Variants in MAD2L1BP observed in about 807,000 individuals in gnomAD.
MAD2L1BP encodes MAD2L1 binding protein.
A neutral mutation model predicts 28.4 loss-of-function variants in MAD2L1BP; 22 were observed. The observed-to-expected ratio is 0.77, with a 90% confidence interval of 0.55 to 1.10. MAD2L1BP has a LOEUF of 1.10. Ranked by LOEUF, MAD2L1BP falls within the 50% of genes least tolerant of loss-of-function variation. The pLI is 0.00. For missense variants in MAD2L1BP, 325 were observed against 350.5 expected (o/e 0.93, Z 0.58); for synonymous variants, 146 against 133.7 (o/e 1.09, Z -0.63).
In MAD2L1BP at chr6:43,636,407, G is replaced by T. The variant is rs961384610; in HGVS notation, c.73G>T (p.Glu25Ter). The T allele has an allele frequency of 5.0e-6, 8 of 1,614,042 alleles. No individual in the cohort carries two copies. The highest frequency in any genetic ancestry group is 6.8e-6 in the Non-Finnish European group (8 of 1,180,044). The stretch of plus-strand genomic sequence containing the variant: ...TTTGGAGTGGTATGAGAAGTCCGAA[G>T]AAACTCACGCCTCCCAGATAGAACT... ...PDLEWYEKSE[E>*]THASQIELLE... The change falls in exon 2 of 3, where the codon GAA becomes TAA. Residue 25 changes from glutamate to a stop codon, truncating the protein, a stop_gained. Coordinates refer to ENST00000372171, the MANE Select transcript of MAD2L1BP (RefSeq NM_014628.3). LOFTEE classifies it high-confidence loss of function.
upstream of MAD2L1BP, among the ~76,000 whole-genome samples, chr6:43,634,297 G>A (rs1274414713): frequency 7.3e-6 from 1 of 137,444 alleles, no homozygotes; most frequent in Non-Finnish European, 1.5e-5. Flanking sequence ...ATAGCTCACT[G>A]TAAGTGTCGA....
In MAD2L1BP at chr6:43,640,274, G is replaced by A. The variant is rs780198206; in HGVS notation, c.566G>A (p.Arg189His). ...CTGAGCACAGCAGCTTGTTTGCGCC[G>A]TCTCTTCCGAGCCATATTCATGGCT... Reference protein sequence around the residue: ...QSLSTAACLRRLFRAIFMADA... With the variant: ...QSLSTAACLRHLFRAIFMADA... Residue 189 changes from arginine to histidine, a missense_variant, in exon 3 of 3, where the codon CGT becomes CAT. Coordinates refer to ENST00000372171, the MANE Select transcript of MAD2L1BP (RefSeq NM_014628.3). 14 of 1,613,166 alleles carry A rather than the reference G, an allele frequency of 8.7e-6. No individual in the cohort carries two copies. The highest frequency in any genetic ancestry group is 6.7e-5 in the East Asian group (3 of 44,860).
At chr6:43,634,602 C>A (rs1474843187), upstream of MAD2L1BP, among the ~76,000 whole-genome samples, 2 of 152,026 alleles carry the variant, frequency 1.3e-5, no homozygotes, top group African/African-American at 4.8e-5. Context: ...ACTCTGTCAC[C>A]TAGGCTGGAG....
chr6:43,638,087 A>G (rs1197520274), intron 2 of MAD2L1BP, among the ~76,000 whole-genome samples: 4 of 148,870 alleles, frequency 2.7e-5, no homozygotes, highest in Admixed American at 1.3e-4. Flanking sequence ...TAGTAGAGAC[A>G]GGGTATCGCA....
chr6:43,631,976 G>A (rs1198196693), upstream of MAD2L1BP, among the ~76,000 whole-genome samples: 5 of 150,688 alleles, frequency 3.3e-5, no homozygotes, highest in Non-Finnish European at 5.9e-5. Context: ...CTTGGCTCAC[G>A]GCAACCTCCT....
rs199873709 is a variant in MAD2L1BP, at chr6:43,640,298, C to T, written c.590C>T (p.Ala197Val). The change falls in exon 3 of 3, where the codon GCT becomes GTT. Residue 197 changes from alanine (A) to valine (V), a missense_variant. Transcript: ENST00000372171. ...LRRLFRAIFM[A>V]DAFSELQAPP... ...CGTCTCTTCCGAGCCATATTCATGG[C>T]TGATGCCTTTAGCGAGCTTCAGGCT... 5.0e-4 allele frequency: 805 copies of T among 1,613,518 alleles called. 3 individuals carry two copies. Among genetic ancestry groups the T allele is most frequent in the Non-Finnish European group, 3.4e-4 (405 of 1,179,746 alleles).
chr6:43,631,365 G>A (rs1769920867), upstream of MAD2L1BP, among the ~76,000 whole-genome samples: 1 of 152,212 alleles, frequency 6.6e-6, no homozygotes. Flanking sequence ...GAATTGGAAG[G>A]AAGAGATAAG....
At position 43,640,558 on chromosome 6, in the gene MAD2L1BP, C is replaced by T. The variant is rs768251807; in HGVS notation, c.*25C>T. 2 of 1,533,136 alleles carry T rather than the reference C, an allele frequency of 1.3e-6. No individual in the cohort carries two copies. Among genetic ancestry groups the T allele is most frequent in the South Asian group, 2.5e-5 (2 of 78,610 alleles). 95.0% of individuals were successfully genotyped at this position (1,533,136 alleles called of 1,614,324 possible). On this transcript the variant is annotated 3_prime_UTR_variant, in exon 3 of 3. Coordinates refer to ENST00000372171, the MANE Select transcript of MAD2L1BP (RefSeq NM_014628.3). ...AATGAGTGCTTCTTAATCCTAAAAA[C>T]ACAATGGCTGAATTATCTTTCTCCA...
chr6:43,639,947 A>G, intron 2 of MAD2L1BP, 74 bp from the exon 3 acceptor site: 4 of 1,383,156 alleles, frequency 2.9e-6, no homozygotes, highest in Non-Finnish European at 3.9e-6. Flanking sequence ...TACACATCCC[A>G]GCAGGGTTCT....
In MAD2L1BP at chr6:43,640,373, G is replaced by A. The variant is rs1234157012; in HGVS notation, c.665G>A (p.Gly222Glu). The part of the protein sequence containing the change: ...VVMAQGHRNC[G>E]EDWFRPKLNY... ...ATGGCACAGGGACACCGCAACTGTGGAGAAGATTGGTTTCGACCCAAGCTC... is the reference window on the plus strand; with the variant it reads ...ATGGCACAGGGACACCGCAACTGTGAAGAAGATTGGTTTCGACCCAAGCTC... Residue 222 changes from glycine to glutamate, a missense_variant, in exon 3 of 3, where the codon GGA becomes GAA. By Grantham distance (98) the Gly-to-Glu change is moderately conservative. Transcript: ENST00000372171. The A allele has an allele frequency of 8.1e-6, 13 of 1,613,882 alleles. No homozygotes were observed. The highest frequency in any genetic ancestry group is 2.5e-6 in the Non-Finnish European group (3 of 1,180,022).
upstream of MAD2L1BP, among the ~76,000 whole-genome samples, chr6:43,631,638 C>A (rs1172150101): frequency 6.6e-6 from 1 of 152,136 alleles, no homozygotes; most frequent in Non-Finnish European, 1.5e-5. Context: ...GTGCGAGCCA[C>A]CATGCCCAGC....
At chr6:43,633,060 C>A (rs1323938491), upstream of MAD2L1BP, 1 of 344,872 alleles carries the variant, frequency 2.9e-6, no homozygotes, top group Non-Finnish European at 5.6e-6. Flanking sequence ...AACTTCTGGA[C>A]TCAAGCAATC....
chr6:43,636,568 G>A lies in MAD2L1BP; in HGVS notation c.234G>A (p.Lys78=). Residue 78 remains lysine (K), a synonymous_variant, in exon 2 of 3, where the codon AAG becomes AAA. Coordinates refer to ENST00000372171, the MANE Select transcript of MAD2L1BP (RefSeq NM_014628.3). ...GTCAGTTTACTTGTGAACTTCTAAA[G>A]CATATCATGTATCAACGCCAGCAGC... is the stretch of plus-strand genomic sequence containing the variant. ...GCCQFTCELL[K]HIMYQRQQLP... is the part of the protein sequence containing the mutation. The A allele has an allele frequency of 6.2e-7, 1 of 1,614,170 alleles. No individual in the cohort carries two copies. The highest frequency in any genetic ancestry group is 8.5e-7 in the Non-Finnish European group (1 of 1,180,022).
chr6:43,631,043 GT>G (rs1769899640), upstream of MAD2L1BP, among the ~76,000 whole-genome samples: 1 of 152,128 alleles, frequency 6.6e-6, no homozygotes, highest in African/African-American at 2.4e-5. Flanking sequence ...TTCAGACTTG[GT>G]AGAGTCCATG....
chr6:43,635,209 A>G (rs1414981467), upstream of MAD2L1BP, among the ~76,000 whole-genome samples: 1 of 152,204 alleles, frequency 6.6e-6, no homozygotes, highest in African/African-American at 2.4e-5. Flanking sequence ...CGGTCCTGCC[A>G]TGATCTGGCT....
Position 43,640,546 on chromosome 6 carries a change from T to C in MAD2L1BP, c.*13T>C, listed in dbSNP as rs1199516620. ...CTTCCGCGAGTGAATGAGTGCTTCTTAATCCTAAAAACACAATGGCTGAAT... is the reference window on the plus strand; with the variant it reads ...CTTCCGCGAGTGAATGAGTGCTTCTCAATCCTAAAAACACAATGGCTGAAT... On this transcript the variant is annotated 3_prime_UTR_variant, in exon 3 of 3. Transcript: ENST00000372171. 2.6e-6 allele frequency: 4 copies of C among 1,550,922 alleles called. No homozygotes were observed. Among genetic ancestry groups the C allele is most frequent in the Non-Finnish European group, 3.5e-6 (4 of 1,148,114 alleles).
chr6:43,636,040 T>TAGGACACCCGGAA, intron 1 of MAD2L1BP, 119 bp downstream of exon 1: 1 of 1,041,150 alleles, frequency 9.6e-7, no homozygotes, highest in Non-Finnish European at 1.4e-6. Flanking sequence ...GTCTTCCGGG[T>TAGGACACCCGGAA]GTCCTACACG....
intron 2 of MAD2L1BP, 105 bp downstream of exon 2, chr6:43,636,751 A>G (rs1410854606): frequency 4.5e-6 from 6 of 1,345,320 alleles, no homozygotes; most frequent in Non-Finnish European, 5.1e-6. Context: ...TGAGAGAATA[A>G]GCAGCTTCCA....
Position 43,636,415 on chromosome 6 carries a change from C to T in MAD2L1BP, c.81C>T (p.His27=), listed in dbSNP as rs532957750. ...GGTATGAGAAGTCCGAAGAAACTCACGCCTCCCAGATAGAACTACTTGAGA... is the reference window on the plus strand; with the variant it reads ...GGTATGAGAAGTCCGAAGAAACTCATGCCTCCCAGATAGAACTACTTGAGA... ...LEWYEKSEET[H]ASQIELLETS... Residue 27 remains histidine, a synonymous_variant, in exon 2 of 3, where the codon CAC becomes CAT. Coordinates refer to ENST00000372171, the MANE Select transcript of MAD2L1BP (RefSeq NM_014628.3). 1.3e-5 allele frequency: 21 copies of T among 1,614,014 alleles called. No homozygotes were observed. The highest frequency in any genetic ancestry group is 2.7e-5 in the African/African-American group (2 of 74,898).
Sources: allele counts gnomAD v4.1 joint callset (sites outside exome capture counted in the v4.1 genomes callset), GRCh38; gene constraint gnomAD v4.1.1; transcripts MANE v1.5; gene names NCBI Gene and HGNC (gene_info 2026-07-23, HGNC 2026-07-21).